Variants in MYRIP observed in about 807,000 individuals in gnomAD.
MYRIP encodes rab effector MyRIP.
A neutral mutation model predicts 98.0 loss-of-function variants in MYRIP; 49 were observed. That is an observed-to-expected ratio of 0.50 (90% CI 0.40 to 0.63). The LOEUF (loss-of-function observed/expected upper bound fraction) is 0.63. MYRIP is among the 30% of genes least tolerant of loss of function. MYRIP has a pLI of 0.00. For synonymous variants in MYRIP, 404 were observed against 409.5 expected, an observed-to-expected ratio of 0.99 and a Z score of 0.16; for missense variants, 1,004 against 1,058.2, an observed-to-expected ratio of 0.95 and a Z score of 0.71.
In MYRIP at chr3:40,044,142, G is replaced by A. The variant is rs1947614853; in HGVS notation, c.203G>A (p.Cys68Tyr). 6.2e-7 allele frequency: 1 copy of A among 1,614,182 alleles called. No individual in the cohort carries two copies. The highest frequency in any genetic ancestry group is 1.3e-5 in the African/African-American group (1 of 75,064). Residue 68 changes from cysteine (C) to tyrosine (Y), a missense_variant, in exon 3 of 17, where the codon TGC (cysteine) becomes TAC (tyrosine). Cys to Tyr is a radical substitution (Grantham distance 194). This residue lies in a region of MYRIP where 880 missense variants were observed against 907.7 expected (regional missense o/e 0.97). Coordinates refer to ENST00000302541, the MANE Select transcript of MYRIP (RefSeq NM_015460.4). The stretch of plus-strand genomic sequence containing the variant: ...GTGGAGCACTGCTGCATGCGCTGCT[G>A]CTCGCCCTTCACCTTCCTCGTCAAC... ...QFVEHCCMRCCSPFTFLVNTK... is the reference protein window; with the variant it reads ...QFVEHCCMRCYSPFTFLVNTK...
At chr3:39,940,073 A>G (rs1944748757) in intron 2 of MYRIP, among the ~76,000 whole-genome samples, 2 of 152,132 alleles carry the variant, frequency 1.3e-5, no homozygotes, top group African/African-American at 4.8e-5. Flanking sequence ...GTATAATAGT[A>G]GATACTACTC....
chr3:39,892,811 G>A (rs1012219696), intron 1 of MYRIP, among the ~76,000 whole-genome samples: 1 of 152,122 alleles, frequency 6.6e-6, no homozygotes, highest in Non-Finnish European at 1.5e-5. Flanking sequence ...TTCCTGCTTC[G>A]GTTTTTGGAA....
At chr3:40,091,664 T>C (rs1362483091) in intron 3 of MYRIP, among the ~76,000 whole-genome samples, 1 of 152,214 alleles carries the variant, frequency 6.6e-6, no homozygotes, top group Non-Finnish European at 1.5e-5. Flanking sequence ...TCTGAAATAC[T>C]AGACAGGAAT....
chr3:39,927,788 C>T (rs1944449757), intron 2 of MYRIP, among the ~76,000 whole-genome samples: 1 of 152,002 alleles, frequency 6.6e-6, no homozygotes, highest in South Asian at 2.1e-4. Context: ...TGTGAAAATC[C>T]TCAACAGAAT....
At chr3:39,831,326 A>G (rs527485616) in intron 1 of MYRIP, among the ~76,000 whole-genome samples, 8 of 152,252 alleles carry the variant, frequency 5.3e-5, no homozygotes, top group Admixed American at 2.6e-4. Context: ...TGAATGACCT[A>G]CTTGACATCT....
At chr3:40,162,089 C>T (rs1230796828) in intron 4 of MYRIP, among the ~76,000 whole-genome samples, 10 of 152,212 alleles carry the variant, frequency 6.6e-5, no homozygotes. Context: ...CCACTCCCTA[C>T]ACCTCTTGGC....
At chr3:39,843,567 G>A (rs1307954603) in intron 1 of MYRIP, among the ~76,000 whole-genome samples, 2 of 152,116 alleles carry the variant, frequency 1.3e-5, no homozygotes, top group African/African-American at 2.4e-5. Context: ...TGTTACCTTG[G>A]TGAGACTAAT....
At chr3:40,183,588 G>A (rs984749648) in intron 9 of MYRIP, among the ~76,000 whole-genome samples, 2 of 152,134 alleles carry the variant, frequency 1.3e-5, no homozygotes, top group Non-Finnish European at 2.9e-5. Context: ...CTGTGCTCAG[G>A]GGGCCTCCTG....
chr3:40,096,423 A>T (rs2125887477), intron 3 of MYRIP, among the ~76,000 whole-genome samples: 1 of 152,322 alleles, frequency 6.6e-6, no homozygotes, highest in East Asian at 1.9e-4. Flanking sequence ...TGCTGTGAGG[A>T]TAAAGTCAAA....
At chr3:39,963,248 C>A (rs1366089030) in intron 2 of MYRIP, among the ~76,000 whole-genome samples, 1 of 151,998 alleles carries the variant, frequency 6.6e-6, no homozygotes, top group Non-Finnish European at 1.5e-5. Context: ...AGTGAACAGC[C>A]GGCAAAGTCA....
chr3:39,966,476 A>G (rs1333238218), intron 2 of MYRIP, among the ~76,000 whole-genome samples: 1 of 152,216 alleles, frequency 6.6e-6, no homozygotes, highest in East Asian at 1.9e-4. Context: ...TGAATAGCAT[A>G]GATATTAGTG....
intron 2 of MYRIP, among the ~76,000 whole-genome samples, chr3:39,951,975 A>T (rs1245534615): frequency 2.0e-5 from 3 of 152,154 alleles, no homozygotes. Flanking sequence ...AAATTTATAG[A>T]GTTATGCAAT....
chr3:40,067,171 A>G (rs1321384045), intron 3 of MYRIP, among the ~76,000 whole-genome samples: 2 of 152,224 alleles, frequency 1.3e-5, no homozygotes, highest in Non-Finnish European at 2.9e-5. Context: ...GTAAATAATG[A>G]TTCTAACTCT....
intron 2 of MYRIP, among the ~76,000 whole-genome samples, chr3:39,948,270 C>A (rs1028769458): frequency 1.1e-4 from 16 of 152,012 alleles, no homozygotes; most frequent in African/African-American, 3.9e-4. Context: ...CATCCTGGGA[C>A]TCAAAAAATT....
intron 1 of MYRIP, among the ~76,000 whole-genome samples, chr3:39,851,046 G>A (rs1054436898): frequency 2.6e-5 from 4 of 152,166 alleles, no homozygotes; most frequent in African/African-American, 9.7e-5. Context: ...GGGATTGCAG[G>A]CATCTCTCTA....
intron 2 of MYRIP, among the ~76,000 whole-genome samples, chr3:39,992,726 T>C (rs1047537394): frequency 1.3e-5 from 2 of 152,204 alleles, no homozygotes; most frequent in Non-Finnish European, 2.9e-5. Flanking sequence ...TCCTAGTCTC[T>C]CAACTTTCTG....
chr3:40,042,319 C>A (rs1308770592), intron 2 of MYRIP, among the ~76,000 whole-genome samples: 1 of 145,598 alleles, frequency 6.9e-6, no homozygotes, highest in Non-Finnish European at 1.5e-5. Flanking sequence ...AGAGAGCCAA[C>A]CTTCAACCCA....
At chr3:40,198,199 A>G (rs934882550) in intron 10 of MYRIP, among the ~76,000 whole-genome samples, 1 of 145,522 alleles carries the variant, frequency 6.9e-6, no homozygotes, top group African/African-American at 2.5e-5. Context: ...CAAAGTAGCT[A>G]TAAAACAGGG....
At chr3:39,937,714 A>T (rs1361956316) in intron 2 of MYRIP, among the ~76,000 whole-genome samples, 2 of 152,236 alleles carry the variant, frequency 1.3e-5, no homozygotes, top group Non-Finnish European at 2.9e-5. Flanking sequence ...TGACAGGTTA[A>T]CTGCTAAATT....
Sources: gnomAD v4.1 joint callset for allele counts (sites outside exome capture counted in the v4.1 genomes callset) on GRCh38, gnomAD v4.1.1 for gene constraint, gnomAD v4.1.1 regional missense constraint, MANE v1.5 for transcripts, NCBI Gene and HGNC (gene_info 2026-07-23, HGNC 2026-07-21) for gene names.